The following WASF3 variants were observed in gnomAD, a reference collection of about 807,000 sequenced individuals.
The protein encoded by WASF3 is actin-binding protein WASF3.
Under a neutral mutation model 46.6 loss-of-function variants are expected in WASF3, and 11 were observed. The observed-to-expected ratio is 0.24, with a 90% confidence interval of 0.15 to 0.39. The LOEUF is 0.39. Among genes scored for constraint, WASF3 ranks in the 10% least tolerant of loss-of-function variants. The probability of loss-of-function intolerance (pLI) is 1.00; values close to 1 mark genes in which losing one functional copy is unlikely to be tolerated. For synonymous variants in WASF3, 242 were observed against 259.7 expected, an observed-to-expected ratio of 0.93 and a Z score of 0.65; for missense variants, 576 against 669.8, an observed-to-expected ratio of 0.86 and a Z score of 1.55.
At chr13:26,676,496 G>C in intron 6 of WASF3, 53 bp from the exon 7 acceptor site, 3 of 1,584,180 alleles carry the variant, frequency 1.9e-6, no homozygotes. Context: ...TTAACCAGCT[G>C]TTTTCCTTTC....
the WASF3 span, among the ~76,000 whole-genome samples, chr13:26,547,215 CTTTG>C: frequency 6.6e-6 from 1 of 151,874 alleles, no homozygotes; most frequent in Non-Finnish European, 1.5e-5. Flanking sequence ...CACATTTGTT[CTTTG>C]TTTGAATTCC....
chr13:26,676,807 A>G, intron 7 of WASF3, 83 bp downstream of exon 7: 2 of 1,388,760 alleles, frequency 1.4e-6, no homozygotes. Flanking sequence ...GAAATGCATC[A>G]ATAGCTTCGG....
In WASF3 at chr13:26,687,723, C is replaced by CTCTTTTTTT. The variant is rs1555257029; in HGVS notation, c.*1879_*1880insCTTTTTTTT. 8 of 139,058 alleles carry CTCTTTTTTT rather than the reference C, an allele frequency of 5.8e-5. No homozygotes were observed. The highest frequency in any genetic ancestry group is 7.7e-5 in the Non-Finnish European group (5 of 65,166). The allele number at this position is 139,058 out of a possible 1,614,324, so 8.6% of individuals were successfully genotyped here. On this transcript the variant is annotated 3_prime_UTR_variant, in exon 10 of 10. Transcript: ENST00000335327. ...AAATTTCTAATTTCTCTCTCTCTCT[C>CTCTTTTTTT]TTTTTTTTTTTTTTGTTGTTGTTAA...
At chr13:26,546,187 C>T in the WASF3 span, among the ~76,000 whole-genome samples, 1 of 152,090 alleles carries the variant, frequency 6.6e-6, no homozygotes, top group Non-Finnish European at 1.5e-5. Flanking sequence ...GATATAGGGC[C>T]ATAGGGTACC....
intron 5 of WASF3, among the ~76,000 whole-genome samples, chr13:26,668,859 G>A (rs1230763639): frequency 1.3e-5 from 2 of 152,188 alleles, no homozygotes; most frequent in Non-Finnish European, 2.9e-5. Context: ...TATGAATATA[G>A]CATTATGAGC....
At chr13:26,647,599 A>G (rs1448411788) in intron 3 of WASF3, among the ~76,000 whole-genome samples, 1 of 152,142 alleles carries the variant, frequency 6.6e-6, no homozygotes, top group East Asian at 1.9e-4. Flanking sequence ...AGGAGATGAC[A>G]TTTGTGCCAA....
chr13:26,545,216 T>C, the WASF3 span, among the ~76,000 whole-genome samples: 2 of 152,234 alleles, frequency 1.3e-5, no homozygotes, highest in East Asian at 3.9e-4. Context: ...CCTTCCACTG[T>C]AGTAGCAAAA....
intron 2 of WASF3, among the ~76,000 whole-genome samples, chr13:26,639,335 G>A (rs1430705271): frequency 6.6e-6 from 1 of 152,178 alleles, no homozygotes; most frequent in Non-Finnish European, 1.5e-5. Context: ...ATTAGTCAAA[G>A]CTGAAATACT....
At chr13:26,554,081 TTCC>T (rs1879034801), upstream of WASF3, among the ~76,000 whole-genome samples, 4 of 114,912 alleles carry the variant, frequency 3.5e-5, no homozygotes, top group Admixed American at 9.1e-5. Context: ...CCTTCCTTCC[TTCC>T]TTCCTTCCTT....
chr13:26,585,703 G>A (rs1057331811), intron 1 of WASF3, among the ~76,000 whole-genome samples: 4 of 152,058 alleles, frequency 2.6e-5, no homozygotes, highest in Admixed American at 2.0e-4. Context: ...TTGATGGTAA[G>A]ACCATATAAT....
chr13:26,576,823 G>C (rs1879811307), intron 1 of WASF3: 3 of 456,066 alleles, frequency 6.6e-6, no homozygotes, highest in Non-Finnish European at 1.2e-5. Context: ...TCCTCCAGTG[G>C]TAACATCCTA....
At chr13:26,664,648 G>A (rs1375098311) in intron 3 of WASF3, among the ~76,000 whole-genome samples, 1 of 152,156 alleles carries the variant, frequency 6.6e-6, no homozygotes, top group East Asian at 1.9e-4. Context: ...CAGATTTAAA[G>A]GCCAACATGA....
intron 1 of WASF3, among the ~76,000 whole-genome samples, chr13:26,584,869 A>G (rs984143100): frequency 1.3e-5 from 2 of 152,284 alleles, no homozygotes; most frequent in Non-Finnish European, 2.9e-5. Context: ...GTGTGTTTCA[A>G]AGTCTTCTTT....
At chr13:26,669,426 T>C (rs1882866249) in intron 5 of WASF3, among the ~76,000 whole-genome samples, 1 of 151,910 alleles carries the variant, frequency 6.6e-6, no homozygotes, top group Admixed American at 6.6e-5. Context: ...TTGGGGTATA[T>C]AACATATAAA....
At chr13:26,626,749 G>A (rs1297816346) in intron 2 of WASF3, among the ~76,000 whole-genome samples, 1 of 152,138 alleles carries the variant, frequency 6.6e-6, no homozygotes, top group Non-Finnish European at 1.5e-5. Flanking sequence ...TTGGAACAAA[G>A]ATTATTATTA....
At chr13:26,583,966 G>A (rs1880057066) in intron 1 of WASF3, among the ~76,000 whole-genome samples, 1 of 152,234 alleles carries the variant, frequency 6.6e-6, no homozygotes, top group Non-Finnish European at 1.5e-5. Flanking sequence ...TCAGTGAAGT[G>A]TGTTTGGGCT....
chr13:26,563,264 T>G (rs1048800279), intron 1 of WASF3, among the ~76,000 whole-genome samples: 1 of 152,126 alleles, frequency 6.6e-6, no homozygotes, highest in South Asian at 2.1e-4. Flanking sequence ...TTTGCTATGT[T>G]GCCCAAGCTG....
intron 5 of WASF3, among the ~76,000 whole-genome samples, chr13:26,670,615 T>C (rs1309828914): frequency 2.6e-5 from 4 of 152,212 alleles, no homozygotes; most frequent in South Asian, 2.1e-4. Flanking sequence ...ACCTCTTATA[T>C]GTCTTAAATT....
At chr13:26,542,157 CT>C in the WASF3 span, among the ~76,000 whole-genome samples, 2 of 152,334 alleles carry the variant, frequency 1.3e-5, no homozygotes, top group East Asian at 3.9e-4. Context: ...TACTTTATTA[CT>C]TCACAGATGA....
Sources: allele counts gnomAD v4.1 joint callset (sites outside exome capture counted in the v4.1 genomes callset), GRCh38; gene constraint gnomAD v4.1.1; transcripts MANE v1.5; gene names NCBI Gene and HGNC (gene_info 2026-07-23, HGNC 2026-07-21).